RFX3: variants seen among roughly 807,000 people sequenced by gnomAD.
The protein encoded by RFX3 is regulatory factor X3, also known as transcription factor RFX3.
Under a neutral mutation model 98.6 loss-of-function variants are expected in RFX3, and 14 were observed. The ratio of observed to expected loss-of-function variants is 0.14; its 90% CI spans 0.09 to 0.22. The LOEUF is 0.22. RFX3 is among the 10% of genes least tolerant of loss of function. RFX3 has a pLI of 1.00. For missense variants in RFX3, 639 were observed against 926.9 expected (o/e 0.69, Z 4.03); for synonymous variants, 383 against 328.4 (o/e 1.17, Z -1.80).
At chr9:3,446,489 C>T (rs1587702363) in intron 1 of RFX3, among the ~76,000 whole-genome samples, 1 of 151,912 alleles carries the variant, frequency 6.6e-6, no homozygotes, top group East Asian at 1.9e-4. Flanking sequence ...AAGAAGAAAG[C>T]CAGAGGAATA....
At chr9:3,492,719 C>G (rs891707394) in intron 1 of RFX3, among the ~76,000 whole-genome samples, 2 of 152,082 alleles carry the variant, frequency 1.3e-5, no homozygotes, top group Non-Finnish European at 2.9e-5. Flanking sequence ...GATGAGGTGA[C>G]AAAGGGTCAG....
At chr9:3,449,675 G>C (rs1281092073) in intron 1 of RFX3, among the ~76,000 whole-genome samples, 1 of 151,922 alleles carries the variant, frequency 6.6e-6, no homozygotes, top group Non-Finnish European at 1.5e-5. Context: ...AACATGGCAA[G>C]ACCTTGTCTC....
At chr9:3,288,605 G>T (rs1272123580) in intron 6 of RFX3, among the ~76,000 whole-genome samples, 1 of 151,850 alleles carries the variant, frequency 6.6e-6, no homozygotes, top group Non-Finnish European at 1.5e-5. Context: ...AAAGTTTTTG[G>T]CCAGTAAAAA....
chr9:3,396,829 T>A (rs978151701), intron 1 of RFX3, among the ~76,000 whole-genome samples: 28 of 152,214 alleles, frequency 1.8e-4, no homozygotes, highest in Non-Finnish European at 4.4e-5. Flanking sequence ...TTTGGCTGCA[T>A]AAATAGAGTA....
chr9:3,525,776 G>A lies in RFX3; in HGVS notation c.-38C>T. On this transcript the variant is annotated 5_prime_UTR_variant, in exon 1 of 17. Transcript: ENST00000617270. ...GCTGTGGATTATTGTGGTGTTGTTG[G>A]TGGGTGATGGAGATGGTGGTGGTGG... 2 of 448,818 alleles carry A rather than the reference G, an allele frequency of 4.5e-6. No homozygotes were observed. Among genetic ancestry groups the A allele is most frequent in the Middle Eastern group, 1.1e-3 (1 of 908 alleles). 27.8% of individuals were successfully genotyped at this position (448,818 alleles called of 1,614,324 possible).
chr9:3,229,394 G>A (rs1362823608), intron 15 of RFX3, among the ~76,000 whole-genome samples: 1 of 152,196 alleles, frequency 6.6e-6, no homozygotes, highest in Non-Finnish European at 1.5e-5. Flanking sequence ...CCAAAATTGA[G>A]TGTATTTGTT....
chr9:3,389,064 T>C (rs1840017956), intron 2 of RFX3, among the ~76,000 whole-genome samples: 1 of 152,114 alleles, frequency 6.6e-6, no homozygotes, highest in Non-Finnish European at 1.5e-5. Context: ...TCCTCAATGT[T>C]AGCAGTATTT....
intron 16 of RFX3, among the ~76,000 whole-genome samples, chr9:3,228,047 A>G (rs957115059): frequency 2.3e-4 from 35 of 152,244 alleles, no homozygotes; most frequent in Admixed American, 9.8e-4. Context: ...CAATTCTTTA[A>G]CACCTCAAGA....
rs1427106159 is a variant in RFX3, at chr9:3,505,218, ATATT to A, written c.-9+20525_-9+20528del. ...TATATATTTATATATATATGAATAT[ATATT>A]TATATATGAATATATATTTATATAT... is the stretch of plus-strand genomic sequence containing the variant. On this transcript the variant is annotated intron_variant, in intron 1 of 16. Transcript: ENST00000617270. Among the ~76,000 whole-genome samples, 3 of 73,814 alleles carry A rather than the reference ATATT, an allele frequency of 4.1e-5. No individual in the cohort carries two copies. The Admixed American group carries it at 6.3e-4, about 15-fold the overall frequency. 48.4% of individuals were successfully genotyped at this position (73,814 alleles called of 152,430 possible).
At chr9:3,249,359 C>G (rs988195784) in intron 14 of RFX3, among the ~76,000 whole-genome samples, 6 of 152,122 alleles carry the variant, frequency 3.9e-5, no homozygotes, top group Non-Finnish European at 1.5e-5. Context: ...CTGATTCTGT[C>G]TCTTCATTGA....
At chr9:3,338,121 G>C (rs1030317459) in intron 3 of RFX3, among the ~76,000 whole-genome samples, 1 of 152,016 alleles carries the variant, frequency 6.6e-6, no homozygotes, top group East Asian at 1.9e-4. Context: ...ACTTCAGAAA[G>C]GAATTCAAGT....
intron 15 of RFX3, among the ~76,000 whole-genome samples, chr9:3,229,363 T>A (rs1818188429): frequency 6.6e-6 from 1 of 152,150 alleles, no homozygotes; most frequent in African/African-American, 2.4e-5. Context: ...CTTTTATTAG[T>A]AAAAAAGGAA....
rs867394812 is a variant in RFX3, at chr9:3,380,040, C to T, written c.117+15432G>A. The stretch of plus-strand genomic sequence containing the variant: ...CTCCCAGGTTCAAGCGATTCTCCTG[C>T]CTCCGCGTCCCAAGTAGCTGGGATT... On this transcript the variant is annotated intron_variant, in intron 2 of 16. Transcript: ENST00000617270. Among the ~76,000 whole-genome samples, 20 of 152,158 alleles carry T rather than the reference C, an allele frequency of 1.3e-4. No individual in the cohort carries two copies. The Middle Eastern group carries it at 0.01, about 78-fold the overall frequency.
At chr9:3,493,454 G>A (rs996801672) in intron 1 of RFX3, among the ~76,000 whole-genome samples, 1 of 151,964 alleles carries the variant, frequency 6.6e-6, no homozygotes, top group Admixed American at 6.6e-5. Context: ...GGAGGCCGAG[G>A]CAGGCAGATC....
At chr9:3,400,205 A>G (rs1760694557) in intron 1 of RFX3, 2 of 980,852 alleles carry the variant, frequency 2.0e-6, no homozygotes, top group Admixed American at 6.1e-5. Flanking sequence ...CTGCACAAAG[A>G]CAAGTAAGAA....
At chr9:3,465,210 A>G (rs1362819896) in intron 1 of RFX3, among the ~76,000 whole-genome samples, 1 of 152,132 alleles carries the variant, frequency 6.6e-6, no homozygotes, top group Non-Finnish European at 1.5e-5. Context: ...GCATCTTAGT[A>G]TCTCACTTCT....
intron 15 of RFX3, among the ~76,000 whole-genome samples, chr9:3,231,937 GCAGGAGAAT>G (rs1364408655): frequency 1.3e-5 from 2 of 152,090 alleles, no homozygotes; most frequent in Non-Finnish European, 2.9e-5. Flanking sequence ...GGTGGCGGAG[GCAGGAGAAT>G]CACTTGAACC....
In RFX3 at chr9:3,381,924, TTTTG is replaced by T. The variant is rs567112346; in HGVS notation, c.117+13544_117+13547del. Among the ~76,000 whole-genome samples the T allele has an allele frequency of 3.4e-3, 520 of 152,290 alleles. 2 individuals are homozygous for T. The highest frequency in any genetic ancestry group is 8.5e-3 in the Admixed American group (130 of 15,288). On this transcript the variant is annotated intron_variant, in intron 2 of 16. Transcript: ENST00000617270. ...CTACTTTCAGTTTTGAGCCTTACTT[TTTTG>T]TTTGTTTGTTTGTTTGCTTGTTGTT...
At chr9:3,378,349 G>C (rs142712110) in intron 2 of RFX3, among the ~76,000 whole-genome samples, 1 of 152,084 alleles carries the variant, frequency 6.6e-6, no homozygotes, top group African/African-American at 2.4e-5. Context: ...TATGAAGTTA[G>C]TTTAAAATCA....
Sources: gnomAD v4.1 joint callset for allele counts (sites outside exome capture counted in the v4.1 genomes callset) on GRCh38, gnomAD v4.1.1 for gene constraint, MANE v1.5 for transcripts, NCBI Gene and HGNC (gene_info 2026-07-23, HGNC 2026-07-21) for gene names.